The following ZNF362 variants were observed in gnomAD, a reference collection of about 807,000 sequenced individuals.
ZNF362 encodes zinc finger protein 362, also known as rotund homolog.
Under a neutral mutation model 42.9 loss-of-function variants are expected in ZNF362, and 11 were observed. That is an observed-to-expected ratio of 0.26 (90% confidence interval 0.16 to 0.42). The LOEUF is 0.42. ZNF362 is among the 20% of genes least tolerant of loss of function. The pLI is 1.00. For missense variants in ZNF362, 362 were observed against 576.2 expected (o/e 0.63, Z 3.81); for synonymous variants, 255 against 257.3 (o/e 0.99, Z 0.09).
chr1:33,166,936 A>G, the ZNF362 span, among the ~76,000 whole-genome samples: 1 of 152,110 alleles, frequency 6.6e-6, no homozygotes, highest in African/African-American at 2.4e-5. Flanking sequence ...ATTAAATACT[A>G]TTCATCTTGA....
chr1:33,161,511 G>C, the ZNF362 span, among the ~76,000 whole-genome samples: 6 of 152,282 alleles, frequency 3.9e-5, no homozygotes, highest in African/African-American at 1.4e-4. The surrounding 1 kb of genome is among the most constrained non-coding windows in gnomAD (Gnocchi z 4.3). Flanking sequence ...CCCGACGCGC[G>C]GCTGCTGGCC....
chr1:33,181,267 T>G, the ZNF362 span: 2 of 1,547,994 alleles, frequency 1.3e-6, no homozygotes. This position sits in a 1 kb window ranked among gnomAD's most constrained non-coding sequence, Gnocchi z 6.5. Flanking sequence ...TCGGCGAACG[T>G]GCGCCGGCAC....
At chr1:33,171,251 G>C in the ZNF362 span, among the ~76,000 whole-genome samples, 1 of 152,228 alleles carries the variant, frequency 6.6e-6, no homozygotes, top group Admixed American at 6.5e-5. Context: ...CCTGAGGAAG[G>C]ACACTGGTAA....
intron 1 of ZNF362, among the ~76,000 whole-genome samples, chr1:33,263,114 A>C (rs376435026): frequency 6.6e-6 from 1 of 152,362 alleles, no homozygotes; most frequent in East Asian, 1.9e-4. Flanking sequence ...TGAGTCTTGC[A>C]TGCACATGCT....
At chr1:33,173,176 A>ATC in the ZNF362 span, among the ~76,000 whole-genome samples, 14 of 152,064 alleles carry the variant, frequency 9.2e-5, no homozygotes. Flanking sequence ...ATTATTTTAT[A>ATC]TCTTTGAGCC....
chr1:33,136,023 C>T, the ZNF362 span, among the ~76,000 whole-genome samples: 21 of 151,838 alleles, frequency 1.4e-4, no homozygotes, highest in Admixed American at 1.4e-3. Flanking sequence ...GAAGGTGGAC[C>T]CAAGCTTGTC....
the ZNF362 span, among the ~76,000 whole-genome samples, chr1:33,215,422 T>C: frequency 6.6e-6 from 1 of 152,246 alleles, no homozygotes; most frequent in Non-Finnish European, 1.5e-5. Context: ...GAATGAATAA[T>C]ATCCTAGTAT....
chr1:33,190,360 G>C, the ZNF362 span, among the ~76,000 whole-genome samples: 2 of 152,106 alleles, frequency 1.3e-5, no homozygotes, highest in African/African-American at 2.4e-5. Flanking sequence ...TGTGTCTGAT[G>C]GTTAAGTGCT....
the ZNF362 span, chr1:33,159,991 G>A: frequency 6.3e-7 from 1 of 1,581,648 alleles, no homozygotes; most frequent in Non-Finnish European, 8.6e-7. The surrounding 1 kb of genome is among the most constrained non-coding windows in gnomAD (Gnocchi z 4.2). Flanking sequence ...AGCAGATGGG[G>A]TGATCTCTGG....
At chr1:33,206,311 T>A in the ZNF362 span, among the ~76,000 whole-genome samples, 1 of 152,010 alleles carries the variant, frequency 6.6e-6, no homozygotes, top group African/African-American at 2.4e-5. Flanking sequence ...TATAAGATAA[T>A]TTTATGGGCC....
chr1:33,258,315 T>C (rs1355893276), intron 1 of ZNF362, among the ~76,000 whole-genome samples: 3 of 152,124 alleles, frequency 2.0e-5, no homozygotes, highest in African/African-American at 7.2e-5. Context: ...TGGGGCAGTG[T>C]TGGGCCTAGC....
chr1:33,154,537 C>T, the ZNF362 span, among the ~76,000 whole-genome samples: 5 of 152,190 alleles, frequency 3.3e-5, no homozygotes, highest in South Asian at 4.1e-4. Context: ...CGGTGGCTCA[C>T]GCCTGTAATC....
At chr1:33,189,654 T>C in the ZNF362 span, among the ~76,000 whole-genome samples, 1 of 15,532 alleles carries the variant, frequency 6.4e-5, no homozygotes, top group African/African-American at 1.2e-4. Context: ...TATATATATA[T>C]ATATATATAT....
At position 33,299,562 on chromosome 1, in the gene ZNF362, G is replaced by T; in HGVS notation, c.*516G>T. On this transcript the variant is annotated 3_prime_UTR_variant, in exon 9 of 9. Transcript: ENST00000539719. ...TGCAAAGGGGACCCCCAGGTGGGAGGGGCAGGAAGCAGCCGGAGTGAGCCC... is the reference window on the plus strand; with the variant it reads ...TGCAAAGGGGACCCCCAGGTGGGAGTGGCAGGAAGCAGCCGGAGTGAGCCC... 6.5e-6 allele frequency: 1 copy of T among 155,034 alleles called. No individual in the cohort carries two copies. The highest frequency in any genetic ancestry group is 1.4e-5 in the Non-Finnish European group (1 of 69,590). 9.6% of individuals were successfully genotyped at this position (155,034 alleles called of 1,614,324 possible).
Position 33,280,407 on chromosome 1 carries a change from C to T in ZNF362, c.633C>T (p.Pro211=). Residue 211 remains proline (P), a synonymous_variant, in exon 5 of 9, where the codon CCC becomes CCT. Transcript: ENST00000539719. The surrounding 1 kb of genome is among the most constrained non-coding windows in gnomAD (Gnocchi z 5.6). Reference sequence around the variant, plus strand: ...GGGGTCCGCCTGTCCTTGTAGTCCCCTATCCCATCCTGGCCTCGGGCGAGA... The same window carrying T: ...GGGGTCCGCCTGTCCTTGTAGTCCCTTATCCCATCCTGGCCTCGGGCGAGA... ...NPGGPPVLVV[P]YPILASGETA... 1 of 1,612,528 alleles carries T rather than the reference C, an allele frequency of 6.2e-7. No homozygotes were observed. Among genetic ancestry groups the T allele is most frequent in the African/African-American group, 1.3e-5 (1 of 75,006 alleles).
chr1:33,189,645 A>ATG, the ZNF362 span, among the ~76,000 whole-genome samples: 6 of 17,280 alleles, frequency 3.5e-4, 1 homozygote, highest in African/African-American at 7.5e-4. Context: ...ATATATATAT[A>ATG]TATATATATA....
intron 1 of ZNF362, among the ~76,000 whole-genome samples, chr1:33,263,759 G>A (rs1557787192): frequency 6.6e-6 from 1 of 152,186 alleles, no homozygotes; most frequent in Admixed American, 6.5e-5. Context: ...GACTGATGAT[G>A]GGGGAGGAGC....
the ZNF362 span, among the ~76,000 whole-genome samples, chr1:33,213,802 G>A: frequency 6.1e-4 from 93 of 152,128 alleles, 1 homozygote; most frequent in African/African-American, 2.0e-3. Flanking sequence ...CTGAGATCAC[G>A]CCACTGCACT....
At chr1:33,133,605 C>T in the ZNF362 span, among the ~76,000 whole-genome samples, 3 of 152,134 alleles carry the variant, frequency 2.0e-5, no homozygotes, top group Non-Finnish European at 4.4e-5. Context: ...GCCACCCATG[C>T]CTGGCCAAAG....
Sources: allele counts gnomAD v4.1 joint callset (sites outside exome capture counted in the v4.1 genomes callset), GRCh38; gene constraint gnomAD v4.1.1; non-coding constraint Gnocchi (gnomAD v3.1); transcripts MANE v1.5; gene names NCBI Gene and HGNC (gene_info 2026-07-23, HGNC 2026-07-21).